ATP6V0D2: variants seen among roughly 807,000 people sequenced by gnomAD.
ATP6V0D2 encodes the protein V-type proton ATPase subunit d 2.
A neutral mutation model predicts 40.0 loss-of-function variants in ATP6V0D2; 40 were observed. That is an observed-to-expected ratio of 1.00 (90% CI 0.78 to 1.30). The LOEUF (loss-of-function observed/expected upper bound fraction) is 1.30. Ranked by LOEUF, ATP6V0D2 falls within the 50% of genes most tolerant of loss-of-function variation. The probability of loss-of-function intolerance (pLI) is 0.00; values close to 1 mark genes in which losing one functional copy is unlikely to be tolerated. For missense variants in ATP6V0D2, 470 were observed against 423.1 expected (o/e 1.11, Z -0.97); for synonymous variants, 179 against 156.3 (o/e 1.15, Z -1.08).
intron 1 of ATP6V0D2, among the ~76,000 whole-genome samples, chr8:86,113,213 T>C (rs1387711393): frequency 6.6e-6 from 1 of 151,952 alleles, no homozygotes; most frequent in Non-Finnish European, 1.5e-5. Context: ...GCACAGTGGC[T>C]CCTGCCTGTA....
chr8:86,133,697 T>C (rs1028783008), intron 2 of ATP6V0D2, among the ~76,000 whole-genome samples: 1 of 151,978 alleles, frequency 6.6e-6, no homozygotes, highest in Non-Finnish European at 1.5e-5. Context: ...CCCACCCCTG[T>C]CAGCAAATGC....
intron 5 of ATP6V0D2, among the ~76,000 whole-genome samples, chr8:86,146,438 G>C (rs923912106): frequency 6.6e-6 from 1 of 152,084 alleles, no homozygotes; most frequent in Admixed American, 6.6e-5. Context: ...GTTTATGCCT[G>C]TAATCCCAGC....
intron 2 of ATP6V0D2, among the ~76,000 whole-genome samples, chr8:86,134,367 T>A (rs2721259): frequency 0.4 from 61,137 of 152,070 alleles, 15,296 homozygotes; most frequent in Middle Eastern, 0.6. Flanking sequence ...CTTGAAACAA[T>A]GGGAAAAAAG....
chr8:86,152,988 G>C lies in ATP6V0D2; in HGVS notation c.*11G>C. 6.4e-7 allele frequency: 1 copy of C among 1,559,562 alleles called. No individual in the cohort carries two copies. Among genetic ancestry groups the C allele is most frequent in the Non-Finnish European group, 8.6e-7 (1 of 1,158,766 alleles). ...ATTCCAATTTTATAACCCAAGTAAG[G>C]TTCTCAAATGTAGAAAATTATAAAT... On this transcript the variant is annotated 3_prime_UTR_variant, in exon 8 of 8. Transcript: ENST00000285393.
chr8:86,120,575 A>C (rs1347999196), intron 2 of ATP6V0D2, among the ~76,000 whole-genome samples: 1 of 152,136 alleles, frequency 6.6e-6, no homozygotes, highest in Non-Finnish European at 1.5e-5. Flanking sequence ...TAAATTAAAA[A>C]AATTTTTTGT....
rs566879130 is a variant in ATP6V0D2, at chr8:86,153,209, C to T, written c.*232C>T. On this transcript the variant is annotated 3_prime_UTR_variant, in exon 8 of 8. Coordinates refer to ENST00000285393, the MANE Select transcript of ATP6V0D2 (RefSeq NM_152565.1). ...ATGTCTGTCTCATTCTTCACTGGGC[C>T]TTACAGGTTAGTTTTAATTAACTCT... The T allele has an allele frequency of 6.3e-6, 2 of 316,082 alleles. No homozygotes were observed. Among genetic ancestry groups the T allele is most frequent in the African/African-American group, 2.1e-5 (1 of 46,720 alleles). The allele number at this position is 316,082 out of a possible 1,614,324, so 19.6% of individuals were successfully genotyped here. A position where few individuals can be genotyped will look rare whatever the true frequency, so the allele number is the denominator to read the frequency against.
chr8:86,136,053 C>T (rs1452361129), intron 2 of ATP6V0D2, among the ~76,000 whole-genome samples: 1 of 152,094 alleles, frequency 6.6e-6, no homozygotes, highest in African/African-American at 2.4e-5. Context: ...AAGAGACACC[C>T]CTGCCCCTCA....
intron 2 of ATP6V0D2, among the ~76,000 whole-genome samples, chr8:86,138,298 A>G (rs1818924707): frequency 6.6e-6 from 1 of 152,232 alleles, no homozygotes; most frequent in African/African-American, 2.4e-5. Context: ...GTCTAATTCC[A>G]GGACTGGTTT....
At position 86,129,805 on chromosome 8, in the gene ATP6V0D2, GA is replaced by G. The variant is rs60701588; in HGVS notation, c.303-9640del. Among the ~76,000 whole-genome samples, 323 of 136,276 alleles carry G rather than the reference GA, an allele frequency of 2.4e-3. 1 individual carries two copies. The highest frequency in any genetic ancestry group is 5.7e-3 in the African/African-American group (213 of 37,178). The allele number at this position is 136,276 out of a possible 152,430, so 89.4% of individuals were successfully genotyped here. On this transcript the variant is annotated intron_variant, in intron 2 of 7. Transcript: ENST00000285393. ...GCAACAGAGTCAGCCTCTGTCTCAG[GA>G]AAAAAAAAAAAGGGAAAAAAATTGA... is the stretch of plus-strand genomic sequence containing the variant.
intron 1 of ATP6V0D2, among the ~76,000 whole-genome samples, chr8:86,103,633 G>T (rs1377443576): frequency 6.6e-6 from 1 of 152,020 alleles, no homozygotes; most frequent in Non-Finnish European, 1.5e-5. Flanking sequence ...ACAAGATAGA[G>T]TCCCTGCCCT....
chr8:86,141,356 G>A (rs768019260), intron 3 of ATP6V0D2, 94 bp from the exon 4 acceptor site: 105 of 811,278 alleles, frequency 1.3e-4, no homozygotes, highest in Non-Finnish European at 1.5e-4. Context: ...TTCTTGTCAG[G>A]AGTGAGCAGA....
chr8:86,111,969 AT>A (rs1382646240), intron 1 of ATP6V0D2, among the ~76,000 whole-genome samples: 1 of 152,170 alleles, frequency 6.6e-6, no homozygotes, highest in Non-Finnish European at 1.5e-5. Context: ...AATGAGGAAT[AT>A]TTCTGGTCTA....
intron 2 of ATP6V0D2, among the ~76,000 whole-genome samples, chr8:86,118,131 C>T (rs1407015381): frequency 7.9e-6 from 1 of 125,946 alleles, no homozygotes. Context: ...GTTGTGTTGC[C>T]CAGACGTGAA....
rs1279894398 is a variant in ATP6V0D2 at position 86,126,258 on chromosome 8, ATATATC to A, written c.302+12380_302+12385del. 1.2e-4 allele frequency among the ~76,000 whole-genome samples: 16 copies of A among 135,842 alleles called. 1 individual carries two copies. The highest frequency in any genetic ancestry group is 4.1e-4 in the African/African-American group (15 of 36,392). The allele number at this position is 135,842 out of a possible 152,430, so 89.1% of individuals were successfully genotyped here. A position where few individuals can be genotyped will look rare whatever the true frequency, so the allele number is the denominator to read the frequency against. ...AGCCTATATATATATATATATATATATATATCTTTTTGTATATAGTATAAAGTTCAG... is the reference window on the plus strand; with the variant it reads ...AGCCTATATATATATATATATATATATTTTTGTATATAGTATAAAGTTCAG... On this transcript the variant is annotated intron_variant, in intron 2 of 7. Transcript: ENST00000285393.
At chr8:86,142,600 C>T (rs2130275734) in intron 4 of ATP6V0D2, among the ~76,000 whole-genome samples, 1 of 152,270 alleles carries the variant, frequency 6.6e-6, no homozygotes. Flanking sequence ...CAAGAATTAA[C>T]CATATGAAAT....
At chr8:86,128,770 A>G (rs544266984) in intron 2 of ATP6V0D2, among the ~76,000 whole-genome samples, 3 of 152,364 alleles carry the variant, frequency 2.0e-5, no homozygotes, top group South Asian at 2.1e-4. Flanking sequence ...GAGGGCTAGT[A>G]TCTTAACACT....
chr8:86,140,062 C>T (rs1316921145), intron 3 of ATP6V0D2, among the ~76,000 whole-genome samples: 2 of 152,154 alleles, frequency 1.3e-5, no homozygotes, highest in Non-Finnish European at 1.5e-5. Context: ...CTAGATAAGG[C>T]TGCATATAGG....
At chr8:86,139,229 A>C (rs1168076406) in intron 2 of ATP6V0D2, among the ~76,000 whole-genome samples, 3 of 15,354 alleles carry the variant, frequency 2.0e-4, no homozygotes, top group Non-Finnish European at 4.3e-4. Flanking sequence ...CTTGGTCTCA[A>C]AAAAAAAAAA....
chr8:86,133,938 C>T (rs1818862949), intron 2 of ATP6V0D2, among the ~76,000 whole-genome samples: 1 of 152,016 alleles, frequency 6.6e-6, no homozygotes, highest in Admixed American at 6.6e-5. Flanking sequence ...CCCCATTTGG[C>T]AAAAGACACA....
Sources: gnomAD v4.1 joint callset for allele counts (sites outside exome capture counted in the v4.1 genomes callset) on GRCh38, gnomAD v4.1.1 for gene constraint, MANE v1.5 for transcripts, NCBI Gene and HGNC (gene_info 2026-07-23, HGNC 2026-07-21) for gene names.